The following SASH1 variants were observed in gnomAD, a reference collection of about 807,000 sequenced individuals.
SASH1 encodes the protein SAM and SH3 domain containing 1, also known as SAM and SH3 domain-containing protein 1.
A neutral mutation model predicts 125.2 loss-of-function variants in SASH1; 44 were observed. The observed-to-expected ratio is 0.35, with a 90% CI of 0.28 to 0.45. SASH1 has a LOEUF of 0.45. Among genes scored for constraint, SASH1 ranks in the 20% least tolerant of loss-of-function variants. The pLI, the probability that SASH1 is intolerant of heterozygous loss-of-function variation, is 1.00. For missense variants in SASH1, 1,426 were observed against 1,614.5 expected, an observed-to-expected ratio of 0.88 and a Z score of 2.00; for synonymous variants, 639 against 649.1, an observed-to-expected ratio of 0.98 and a Z score of 0.24.
intron 4 of SASH1, among the ~76,000 whole-genome samples, chr6:148,445,249 G>T (rs1776719780): frequency 1.3e-5 from 2 of 152,088 alleles, no homozygotes; most frequent in Admixed American, 6.6e-5. Context: ...CACTAAGAAT[G>T]CCTAGCCTTC....
intron 1 of SASH1, among the ~76,000 whole-genome samples, chr6:148,296,426 C>T (rs1261556794): frequency 6.6e-6 from 1 of 152,098 alleles, no homozygotes; most frequent in African/African-American, 2.4e-5. Flanking sequence ...ACCCCAGGCC[C>T]TTGTGTATTA....
At chr6:148,520,643 G>T (rs1166514584) in intron 10 of SASH1, among the ~76,000 whole-genome samples, 1 of 152,190 alleles carries the variant, frequency 6.6e-6, no homozygotes, top group Admixed American at 6.5e-5. Flanking sequence ...CCAGAGAGGG[G>T]CTTCCAGGGT....
chr6:148,388,842 C>T (rs1308731861), intron 1 of SASH1, among the ~76,000 whole-genome samples: 1 of 152,016 alleles, frequency 6.6e-6, no homozygotes, highest in African/African-American at 2.4e-5. Flanking sequence ...GGTTGGCTAG[C>T]AGTCTGTAAA....
At chr6:148,452,540 G>T (rs184041846) in intron 4 of SASH1, among the ~76,000 whole-genome samples, 1 of 152,212 alleles carries the variant, frequency 6.6e-6, no homozygotes, top group Admixed American at 6.5e-5. Context: ...GTGAGTTTAC[G>T]CTCCGCTAGT....
intron 4 of SASH1, among the ~76,000 whole-genome samples, chr6:148,450,336 A>G (rs1777033766): frequency 6.6e-6 from 1 of 151,982 alleles, no homozygotes; most frequent in Admixed American, 6.5e-5. Context: ...GCCCTTCTTT[A>G]TTGCTCAGTC....
chr6:148,197,212 C>A, the SASH1 span, among the ~76,000 whole-genome samples: 3 of 152,294 alleles, frequency 2.0e-5, no homozygotes, highest in East Asian at 3.9e-4. Flanking sequence ...AGGACCTACA[C>A]ATGAGATGGC....
intron 12 of SASH1, among the ~76,000 whole-genome samples, 195 bp downstream of exon 12, chr6:148,527,791 C>T (rs537486962): frequency 3.9e-5 from 6 of 152,286 alleles, no homozygotes; most frequent in Admixed American, 1.3e-4. Context: ...TGCTCAGCAC[C>T]GTGCTTGGTG....
chr6:148,326,414 C>CTTTTTTTTTCT (rs56066712), intron 1 of SASH1, among the ~76,000 whole-genome samples: 1 of 83,978 alleles, frequency 1.2e-5, no homozygotes, highest in Non-Finnish European at 2.3e-5. Flanking sequence ...CTTTTCTTTT[C>CTTTTTTTTTCT]TTTTTTTTGA....
the SASH1 span, among the ~76,000 whole-genome samples, chr6:148,209,116 A>G: frequency 6.6e-6 from 1 of 152,238 alleles, no homozygotes; most frequent in Non-Finnish European, 1.5e-5. Context: ...ATACACATGC[A>G]TATTTCCCAT....
chr6:148,321,066 T>C (rs747984369), intron 1 of SASH1, among the ~76,000 whole-genome samples: 7 of 152,166 alleles, frequency 4.6e-5, no homozygotes, highest in Non-Finnish European at 8.8e-5. Context: ...TAGTATTAGG[T>C]TGGTGCAAAC....
the SASH1 span, among the ~76,000 whole-genome samples, chr6:148,244,932 A>ATGTGTG: frequency 2.1e-3 from 251 of 119,908 alleles, 1 homozygote; most frequent in African/African-American, 5.7e-3. Flanking sequence ...GTGTGTGTGT[A>ATGTGTG]TGTGTGTGTG....
At chr6:148,258,611 C>T in the SASH1 span, among the ~76,000 whole-genome samples, 22 of 152,192 alleles carry the variant, frequency 1.4e-4, no homozygotes, top group African/African-American at 5.1e-4. Flanking sequence ...TCTCAGCAGC[C>T]CCTTATATTG....
chr6:148,394,812 T>A (rs1431761804), intron 2 of SASH1, among the ~76,000 whole-genome samples: 1 of 152,154 alleles, frequency 6.6e-6, no homozygotes, highest in Admixed American at 6.6e-5. Context: ...TCCCGGCTAA[T>A]TTTTTGTATT....
chr6:148,488,687 A>T lies in SASH1; in HGVS notation c.729+972A>T, dbSNP rs116266578. 1.8e-3 allele frequency among the ~76,000 whole-genome samples: 274 copies of T among 152,272 alleles called. 2 individuals are homozygous for T. Among genetic ancestry groups the T allele is most frequent in the African/African-American group, 6.3e-3 (262 of 41,554 alleles). On this transcript the variant is annotated intron_variant, in intron 8 of 19. Coordinates refer to ENST00000367467, the MANE Select transcript of SASH1 (RefSeq NM_015278.5). ...TTGTTTTACTTTTTTGATAATAATTATCCTAATGGTGTGAAATGGTATCTC... is the reference window on the plus strand; with the variant it reads ...TTGTTTTACTTTTTTGATAATAATTTTCCTAATGGTGTGAAATGGTATCTC...
the SASH1 span, among the ~76,000 whole-genome samples, chr6:148,205,061 C>T: frequency 1.3e-5 from 2 of 152,176 alleles, no homozygotes; most frequent in Non-Finnish European, 2.9e-5. Flanking sequence ...TAATTTCCAA[C>T]TTGTATCAGT....
intron 4 of SASH1, among the ~76,000 whole-genome samples, chr6:148,448,421 A>G (rs1029292238): frequency 6.6e-6 from 1 of 152,126 alleles, no homozygotes; most frequent in African/African-American, 2.4e-5. Context: ...ATGTTATTTC[A>G]GAGGTCAGTG....
At chr6:148,435,751 CA>C (rs1776267724) in intron 2 of SASH1, among the ~76,000 whole-genome samples, 1 of 152,100 alleles carries the variant, frequency 6.6e-6, no homozygotes, top group Non-Finnish European at 1.5e-5. Flanking sequence ...GAAACAAAAT[CA>C]ACTCTGAACT....
At chr6:148,257,578 G>T in the SASH1 span, among the ~76,000 whole-genome samples, 3 of 151,274 alleles carry the variant, frequency 2.0e-5, no homozygotes, top group Non-Finnish European at 4.4e-5. Context: ...GCATAAGTCT[G>T]CCAAACTGCA....
At chr6:148,365,690 T>G (rs1264376960) in intron 1 of SASH1, among the ~76,000 whole-genome samples, 1 of 152,092 alleles carries the variant, frequency 6.6e-6, no homozygotes, top group Non-Finnish European at 1.5e-5. Flanking sequence ...AAAGATCATT[T>G]TTGCCTGGGT....
Sources: allele counts gnomAD v4.1 joint callset (sites outside exome capture counted in the v4.1 genomes callset), GRCh38; gene constraint gnomAD v4.1.1; transcripts MANE v1.5; gene names NCBI Gene and HGNC (gene_info 2026-07-23, HGNC 2026-07-21).